ZGRF1: variants seen among roughly 807,000 people sequenced by gnomAD.
The protein encoded by ZGRF1 is zinc finger GRF-type containing 1.
In ZGRF1, 196 loss-of-function variants were observed where a neutral mutation model predicts 203.5. The observed-to-expected ratio is 0.96, with a 90% CI of 0.86 to 1.08. The LOEUF is 1.08. Ranked by LOEUF, ZGRF1 falls within the 50% of genes least tolerant of loss-of-function variation. ZGRF1 has a pLI of 0.00. For missense variants in ZGRF1, 2,326 were observed against 2,416.3 expected (o/e 0.96, Z 0.78); for synonymous variants, 809 against 841.3 (o/e 0.96, Z 0.66).
intron 16 of ZGRF1, among the ~76,000 whole-genome samples, chr4:112,564,175 C>T (rs1271302607): frequency 6.6e-6 from 1 of 152,230 alleles, no homozygotes; most frequent in African/African-American, 2.4e-5. Flanking sequence ...ATTAGCAGTT[C>T]TAGCAAGCTG....
chr4:112,541,013 G>A, intron 25 of ZGRF1, 58 bp from the exon 26 acceptor site: 1 of 1,546,512 alleles, frequency 6.5e-7, no homozygotes, highest in Non-Finnish European at 8.8e-7. Flanking sequence ...GAAAAACCAA[G>A]TAAAATCATA....
intron 7 of ZGRF1, among the ~76,000 whole-genome samples, chr4:112,611,173 C>T (rs1334717627): frequency 6.6e-5 from 10 of 151,868 alleles, no homozygotes; most frequent in African/African-American, 2.2e-4. Flanking sequence ...GAGCCTGAGG[C>T]GGGTGGATCA....
chr4:112,563,790 GC>G (rs1250395964), intron 16 of ZGRF1, among the ~76,000 whole-genome samples: 7 of 152,112 alleles, frequency 4.6e-5, no homozygotes, highest in Non-Finnish European at 1.0e-4. Context: ...AAGCTAAAAA[GC>G]CCAAGATCAA....
intron 3 of ZGRF1, among the ~76,000 whole-genome samples, chr4:112,625,667 C>CGGGCAGATCACCTGAGGT (rs1346677239): frequency 6.7e-6 from 1 of 150,284 alleles, no homozygotes; most frequent in East Asian, 2.0e-4. Flanking sequence ...GAGGCTGAGG[C>CGGGCAGATCACCTGAGGT]GGGCAGATCA....
intron 20 of ZGRF1, among the ~76,000 whole-genome samples, chr4:112,556,658 T>G (rs1208968704): frequency 1.3e-5 from 2 of 152,134 alleles, no homozygotes; most frequent in African/African-American, 4.8e-5. Context: ...CCTCCCAAAG[T>G]GCTGGGAATA....
intron 10 of ZGRF1, among the ~76,000 whole-genome samples, chr4:112,594,609 C>T (rs1464751767): frequency 1.3e-5 from 2 of 151,832 alleles, no homozygotes; most frequent in East Asian, 3.9e-4. Context: ...CATGCCACCA[C>T]GCCCAGCTAA....
intron 6 of ZGRF1, among the ~76,000 whole-genome samples, chr4:112,613,391 CA>C (rs2046759135): frequency 1.3e-5 from 2 of 152,090 alleles, no homozygotes; most frequent in South Asian, 4.1e-4. Context: ...CTAAAAAATT[CA>C]CTCAACAATT....
intron 10 of ZGRF1, among the ~76,000 whole-genome samples, chr4:112,590,852 G>A (rs753043010): frequency 6.6e-6 from 1 of 151,116 alleles, no homozygotes; most frequent in Non-Finnish European, 1.5e-5. Context: ...CTTGAACCTG[G>A]GAGGCGAGGT....
At chr4:112,614,765 T>C (rs1410553727) in intron 6 of ZGRF1, among the ~76,000 whole-genome samples, 1 of 151,964 alleles carries the variant, frequency 6.6e-6, no homozygotes, top group Non-Finnish European at 1.5e-5. Context: ...AGGCGGAGGT[T>C]GCAGTGAGCC....
At chr4:112,586,198 C>T (rs546039261) in intron 13 of ZGRF1, among the ~76,000 whole-genome samples, 1 of 151,672 alleles carries the variant, frequency 6.6e-6, no homozygotes, top group Non-Finnish European at 1.5e-5. Context: ...CAAGACTGCT[C>T]CACTGCACTC....
Position 112,581,656 on chromosome 4 carries a change from A to G in ZGRF1, c.4438+7T>C, listed in dbSNP as rs1746280007. The G allele has an allele frequency of 6.4e-7, 1 of 1,573,846 alleles. No homozygotes were observed. The highest frequency in any genetic ancestry group is 1.4e-5 in the African/African-American group (1 of 72,456). ...ACTGAATCGCCAGTATGATCAGATC[A>G]ACTTACTTTTGCTATAAGCTGAAGA... On this transcript the variant is annotated splice_region_variant and intron_variant, in intron 16 of 27. Coordinates refer to ENST00000505019, the MANE Select transcript of ZGRF1 (RefSeq NM_018392.5).
intron 24 of ZGRF1, among the ~76,000 whole-genome samples, chr4:112,542,798 TTTTTC>T (rs528373591): frequency 1.7e-3 from 255 of 151,882 alleles, no homozygotes; most frequent in Middle Eastern, 6.8e-3. Context: ...CCTTCTTTCT[TTTTTC>T]TTTTCTTTTC....
intron 3 of ZGRF1, 30 bp downstream of exon 3, chr4:112,631,900 G>A (rs1485048003): frequency 7.8e-7 from 1 of 1,283,596 alleles, no homozygotes; most frequent in Non-Finnish European, 1.1e-6. Context: ...CCTTGCTCTT[G>A]CACCCTATAG....
chr4:112,587,424 T>C lies in ZGRF1; in HGVS notation c.3633A>G (p.Gln1211=). The C allele has an allele frequency of 6.2e-7, 1 of 1,613,982 alleles. No individual in the cohort carries two copies. The highest frequency in any genetic ancestry group is 1.6e-4 in the Middle Eastern group (1 of 6,062). The change falls in exon 12 of 28, where the codon CAA becomes CAG. Residue 1211 remains glutamine (Q), a synonymous_variant. Coordinates refer to ENST00000505019, the MANE Select transcript of ZGRF1 (RefSeq NM_018392.5). ...HLQMIKGMLY[Q]QRQDFSSQDS... ...CTTGACTGCTAAAATCCTGCCGCTG[T>C]TGATAGAGCATGCCTTTTATCATTT...
At chr4:112,630,924 G>A (rs1413680674) in intron 3 of ZGRF1, among the ~76,000 whole-genome samples, 1 of 151,806 alleles carries the variant, frequency 6.6e-6, no homozygotes, top group East Asian at 1.9e-4. Flanking sequence ...AATGGAGAAT[G>A]GTTAGGACAT....
intron 14 of ZGRF1, among the ~76,000 whole-genome samples, chr4:112,584,701 A>G (rs1746868712): frequency 6.6e-6 from 1 of 152,252 alleles, no homozygotes. Context: ...ATTTTAGTCC[A>G]CAGTTATATC....
At chr4:112,624,243 T>C (rs1443201601) in intron 3 of ZGRF1, among the ~76,000 whole-genome samples, 1 of 151,416 alleles carries the variant, frequency 6.6e-6, no homozygotes, top group Non-Finnish European at 1.5e-5. Flanking sequence ...AGGCTGGGCA[T>C]GGTGGTTCAT....
intron 10 of ZGRF1, among the ~76,000 whole-genome samples, chr4:112,591,208 T>G (rs1376731070): frequency 6.6e-6 from 1 of 152,198 alleles, no homozygotes; most frequent in Non-Finnish European, 1.5e-5. Flanking sequence ...CACAACCATA[T>G]GAGGTGGGTA....
Position 112,603,637 on chromosome 4 carries a change from C to T in ZGRF1, c.2863G>A (p.Gly955Arg), listed in dbSNP as rs764467258. Reference protein sequence around the residue: ...GSATSGVMVRGHSSQLGCSQF... With the variant: ...GSATSGVMVRRHSSQLGCSQF... Reference sequence around the variant, plus strand: ...CTGCATCCTAGCTGTGAGCTGTGTCCTCTGACCATTACACCACTAGTAGCT... The same window carrying T: ...CTGCATCCTAGCTGTGAGCTGTGTCTTCTGACCATTACACCACTAGTAGCT... The change falls in exon 10 of 28, where the codon GGA becomes AGA. Residue 955 changes from glycine (G) to arginine (R), a missense_variant. Physicochemically the swap from Gly to Arg is moderately radical, Grantham distance 125. Coordinates refer to ENST00000505019, the MANE Select transcript of ZGRF1 (RefSeq NM_018392.5). 2.2e-5 allele frequency: 36 copies of T among 1,613,824 alleles called. No individual in the cohort carries two copies. The highest frequency in any genetic ancestry group is 8.5e-6 in the Non-Finnish European group (10 of 1,179,878).
Sources: allele counts gnomAD v4.1 joint callset (sites outside exome capture counted in the v4.1 genomes callset), GRCh38; gene constraint gnomAD v4.1.1; transcripts MANE v1.5; gene names NCBI Gene and HGNC (gene_info 2026-07-23, HGNC 2026-07-21).